The following LAMA2 variants were observed in gnomAD, a reference collection of about 807,000 sequenced individuals.
The protein encoded by LAMA2 is laminin subunit alpha-2.
Under a neutral mutation model 364.8 loss-of-function variants are expected in LAMA2, and 269 were observed. The observed-to-expected ratio is 0.74, with a 90% CI of 0.67 to 0.82. LAMA2 has a LOEUF of 0.82. LAMA2 is among the 40% of genes least tolerant of loss of function. The pLI is 0.00. For synonymous variants in LAMA2, 1,379 were observed against 1,370.6 expected (o/e 1.01, Z -0.14); for missense variants, 3,807 against 3,873.2 (o/e 0.98, Z 0.45).
In LAMA2 at chr6:129,410,326, T is replaced by TA. The variant is rs61705472; in HGVS notation, c.5865+6379dup. Among the ~76,000 whole-genome samples the TA allele has an allele frequency of 1.9e-3, 287 of 148,206 alleles. 2 individuals carry two copies. The highest frequency in any genetic ancestry group is 2.9e-3 in the Non-Finnish European group (196 of 66,694). ...CTCAACCTCTCTAGGTATGCTGAATTAAAAAAAAAAAAGAATGACATTTTT... is the reference window on the plus strand; with the variant it reads ...CTCAACCTCTCTAGGTATGCTGAATTAAAAAAAAAAAAAGAATGACATTTTT... On this transcript the variant is annotated intron_variant, in intron 40 of 64. Coordinates refer to ENST00000421865, the MANE Select transcript of LAMA2 (RefSeq NM_000426.4).
chr6:129,314,802 A>G lies in LAMA2; in HGVS notation c.3555+4A>G. 1 of 1,613,980 alleles carries G rather than the reference A, an allele frequency of 6.2e-7. No individual in the cohort carries two copies. Among genetic ancestry groups the G allele is most frequent in the Non-Finnish European group, 8.5e-7 (1 of 1,179,948 alleles). ...AAAAGGACTGATCCGGACGTGGGTG[A>G]GTAGGGAACTGCTGAGCCATGTAAT... On this transcript the variant is annotated splice_donor_region_variant and intron_variant, in intron 24 of 64. Coordinates refer to ENST00000421865, the MANE Select transcript of LAMA2 (RefSeq NM_000426.4).
chr6:129,009,190 T>A (rs1226223558), intron 1 of LAMA2, among the ~76,000 whole-genome samples: 1 of 152,176 alleles, frequency 6.6e-6, no homozygotes, highest in Non-Finnish European at 1.5e-5. Flanking sequence ...AAACTGAGGA[T>A]CAGTATTTTA....
chr6:128,978,408 C>G (rs1433761660), intron 1 of LAMA2, among the ~76,000 whole-genome samples: 1 of 148,890 alleles, frequency 6.7e-6, no homozygotes, highest in Non-Finnish European at 1.5e-5. Context: ...ACATTCGCCT[C>G]CCGGGTTCAA....
chr6:129,416,983 G>A (rs868338984), intron 40 of LAMA2, among the ~76,000 whole-genome samples: 4 of 152,108 alleles, frequency 2.6e-5, no homozygotes, highest in Non-Finnish European at 5.9e-5. Flanking sequence ...CAGGAGCTTG[G>A]AGATGCCAGG....
chr6:129,288,886 C>A lies in LAMA2; in HGVS notation c.2749+828C>A, dbSNP rs575892417. ...GTTTAAGCAGAGTAGGTTATGAGAC[C>A]AGCCTATCCATTCATTTCTGTCAAA... On this transcript the variant is annotated intron_variant, in intron 19 of 64. Coordinates refer to ENST00000421865, the MANE Select transcript of LAMA2 (RefSeq NM_000426.4). 7.5e-4 allele frequency among the ~76,000 whole-genome samples: 114 copies of A among 152,232 alleles called. 2 individuals carry two copies. The highest frequency in any genetic ancestry group is 2.6e-3 in the African/African-American group (108 of 41,542).
At position 129,516,193 on chromosome 6, in the gene LAMA2, A is replaced by C. The variant is rs1435573512; in HGVS notation, c.9215A>C (p.Asp3072Ala). The C allele has an allele frequency of 2.5e-6, 4 of 1,614,086 alleles. No individual in the cohort carries two copies. The highest frequency in any genetic ancestry group is 3.4e-6 in the Non-Finnish European group (4 of 1,180,000). ...DPVFVGGFPDDLKQFGLTTSI... is the reference protein window; with the variant it reads ...DPVFVGGFPDALKQFGLTTSI... ...CCTCTTGCATTGCCTTTTTCAGATGACCTCAAGCAGTTTGGCCTAACAACC... is the reference window on the plus strand; with the variant it reads ...CCTCTTGCATTGCCTTTTTCAGATGCCCTCAAGCAGTTTGGCCTAACAACC... The change falls in exon 65 of 65, where the codon GAC (aspartate) becomes GCC (alanine). Residue 3072 changes from aspartate (D) to alanine (A), a missense_variant. Physicochemically the swap from Asp to Ala is moderately radical, Grantham distance 126 (BLOSUM62 -2). Around this residue, in one of 3 missense-constraint regions of LAMA2, gnomAD observed 3,333 missense variants for 3,345.7 expected, o/e 1.00. Coordinates refer to ENST00000421865, the MANE Select transcript of LAMA2 (RefSeq NM_000426.4).
chr6:129,113,457 C>T (rs532791313), intron 4 of LAMA2, among the ~76,000 whole-genome samples: 2 of 152,060 alleles, frequency 1.3e-5, no homozygotes, highest in African/African-American at 4.8e-5. Flanking sequence ...TTGATGGAAT[C>T]CTAAGGCAGA....
intron 43 of LAMA2, among the ~76,000 whole-genome samples, 166 bp downstream of exon 43, chr6:129,441,164 TG>T (rs954163877): frequency 2.0e-5 from 3 of 152,190 alleles, no homozygotes; most frequent in Non-Finnish European, 2.9e-5. Context: ...GTTCCAAAGC[TG>T]GAATCCAAGT....
chr6:129,300,804 A>C lies in LAMA2; in HGVS notation c.3106A>C (p.Thr1036Pro). 6.2e-7 allele frequency: 1 copy of C among 1,612,804 alleles called. No individual in the cohort carries two copies. The highest frequency in any genetic ancestry group is 8.5e-7 in the Non-Finnish European group (1 of 1,178,854). The change falls in exon 22 of 65, where the codon ACC becomes CCC. Residue 1036 changes from threonine (T) to proline (P), a missense_variant. This residue lies in a region of LAMA2 where 3,333 missense variants were observed against 3,345.7 expected (regional missense o/e 1.00). Transcript: ENST00000421865. ...TGGGCGATGCATTTGCCCTCCCAAT[A>C]CCATTGGAGAGAAATGTTCTAAATG... Reference protein sequence around the residue: ...KTGRCICPPNTIGEKCSKCAP... With the variant: ...KTGRCICPPNPIGEKCSKCAP...
intron 1 of LAMA2, among the ~76,000 whole-genome samples, chr6:128,967,702 C>T (rs2114609920): frequency 6.6e-6 from 1 of 152,202 alleles, no homozygotes; most frequent in South Asian, 2.1e-4. Context: ...GTTTATACAC[C>T]AAGCATCAAA....
At chr6:129,251,609 T>G in intron 13 of LAMA2, among the ~76,000 whole-genome samples, 1 of 152,154 alleles carries the variant, frequency 6.6e-6, no homozygotes, top group East Asian at 1.9e-4. Context: ...ATATATTCCC[T>G]GAATGACAGG....
Position 129,438,661 on chromosome 6 carries a change from TA to T in LAMA2, c.5987del (p.Asn1996MetfsTer3). The T allele has an allele frequency of 6.3e-7, 1 of 1,591,682 alleles. No homozygotes were observed. The highest frequency in any genetic ancestry group is 8.6e-7 in the Non-Finnish European group (1 of 1,160,006). ...TTATTCGCAGAAAATGAAGACCATCTAAATGGCTTAAAAACCAGGATAGAAA... is the reference window on the plus strand; with the variant it reads ...TTATTCGCAGAAAATGAAGACCATCTAATGGCTTAAAAACCAGGATAGAAA... Reference protein sequence around the residue: ...ANDVKENEDHLNGLKTRIENA... With the variant: ...ANDVKENEDHXNGLKTRIENA... On this transcript the variant is annotated frameshift_variant, in exon 42 of 65. Transcript: ENST00000421865. LOFTEE classifies it high-confidence loss of function.
chr6:129,009,432 C>T (rs937210471), intron 1 of LAMA2, among the ~76,000 whole-genome samples: 1 of 151,936 alleles, frequency 6.6e-6, no homozygotes, highest in Non-Finnish European at 1.5e-5. Flanking sequence ...AAAGTCACAA[C>T]ATGCTTCAGC....
rs1182377204 is a variant in LAMA2, at chr6:129,210,051, A to G, written c.1782+17198A>G. ...TTTTTACTATTGACCCTTACTCTGG[A>G]TTCACTTATCCAGAAGATCTGGGGA... On this transcript the variant is annotated intron_variant, in intron 12 of 64. Transcript: ENST00000421865. Among the ~76,000 whole-genome samples the G allele has an allele frequency of 2.0e-5, 3 of 150,148 alleles. No homozygotes were observed. The East Asian group carries it at 5.9e-4, about 30-fold the overall frequency.
intron 1 of LAMA2, among the ~76,000 whole-genome samples, chr6:128,966,591 T>C (rs187250700): frequency 1.3e-5 from 2 of 152,074 alleles, no homozygotes; most frequent in East Asian, 3.9e-4. Context: ...AGAAAGACAT[T>C]GTATATAAAG....
chr6:129,287,528 G>A (rs1389523750), intron 18 of LAMA2, among the ~76,000 whole-genome samples: 1 of 152,110 alleles, frequency 6.6e-6, no homozygotes, highest in Non-Finnish European at 1.5e-5. Flanking sequence ...GTACTACAAA[G>A]GCTTTCCAAC....
chr6:129,313,300 T>C (rs1252219306), intron 23 of LAMA2, among the ~76,000 whole-genome samples: 3 of 152,230 alleles, frequency 2.0e-5, no homozygotes, highest in Admixed American at 2.0e-4. Context: ...GAGCTTATTT[T>C]CAACCCAAAC....
intron 1 of LAMA2, among the ~76,000 whole-genome samples, chr6:128,926,379 T>A (rs1188935121): frequency 6.6e-6 from 1 of 152,168 alleles, no homozygotes; most frequent in Non-Finnish European, 1.5e-5. Flanking sequence ...TCAGAACATA[T>A]CATATCCCAA....
chr6:128,934,085 C>A (rs1409235350), intron 1 of LAMA2, among the ~76,000 whole-genome samples: 2 of 152,136 alleles, frequency 1.3e-5, no homozygotes, highest in Non-Finnish European at 2.9e-5. Flanking sequence ...ACATTTCAGT[C>A]TTGAATCCAT....
Sources: allele counts gnomAD v4.1 joint callset (sites outside exome capture counted in the v4.1 genomes callset), GRCh38; gene constraint gnomAD v4.1.1; regional missense constraint gnomAD v4.1.1; transcripts MANE v1.5; gene names NCBI Gene and HGNC (gene_info 2026-07-23, HGNC 2026-07-21).